The following AKAP6 variants were observed in gnomAD, a reference collection of about 807,000 sequenced individuals.
The protein encoded by AKAP6 is A-kinase anchor protein 6.
A neutral mutation model predicts 188.5 loss-of-function variants in AKAP6; 58 were observed. That is an observed-to-expected ratio of 0.31 (90% CI 0.25 to 0.38). The LOEUF (loss-of-function observed/expected upper bound fraction) is 0.38, where lower values mean the gene tolerates loss of function less well. Ranked by LOEUF, AKAP6 falls within the 10% of genes least tolerant of loss-of-function variation. The probability of loss-of-function intolerance (pLI) is 1.00; values close to 1 mark genes in which losing one functional copy is unlikely to be tolerated. For synonymous variants in AKAP6, 989 were observed against 998.6 expected, an observed-to-expected ratio of 0.99 and a Z score of 0.18; for missense variants, 2,710 against 2,740.0, an observed-to-expected ratio of 0.99 and a Z score of 0.24.
At chr14:32,390,346 A>C (rs1888669745) in intron 1 of AKAP6, among the ~76,000 whole-genome samples, 1 of 152,146 alleles carries the variant, frequency 6.6e-6, no homozygotes, top group South Asian at 2.1e-4. Flanking sequence ...ATTCTTTTTC[A>C]GGTAAATCAG....
chr14:32,816,590 G>A (rs1175302280), intron 12 of AKAP6, among the ~76,000 whole-genome samples: 2 of 152,048 alleles, frequency 1.3e-5, no homozygotes, highest in African/African-American at 4.8e-5. Context: ...TTAGGTTCAG[G>A]GTTACAGGGT....
intron 7 of AKAP6, among the ~76,000 whole-genome samples, chr14:32,637,907 G>A (rs1047917151): frequency 1.6e-4 from 25 of 152,018 alleles, no homozygotes; most frequent in African/African-American, 5.3e-4. Context: ...TGGAATTGTC[G>A]GAAGCAGAAT....
chr14:32,543,453 A>C lies in AKAP6; in HGVS notation c.577-1777A>C, dbSNP rs1883055157. ...TCTTTATCCATTCACCTGCTGATGG[A>C]CACTGAGGTTGATTCCATATCTTGG... On this transcript the variant is annotated intron_variant, in intron 3 of 13. Coordinates refer to ENST00000280979, the MANE Select transcript of AKAP6 (RefSeq NM_004274.5). Among the ~76,000 whole-genome samples, 3 of 152,184 alleles carry C rather than the reference A, an allele frequency of 2.0e-5. No individual in the cohort carries two copies. The South Asian group carries it at 6.2e-4, about 31-fold the overall frequency.
chr14:32,380,521 C>G (rs1180309621), intron 1 of AKAP6, among the ~76,000 whole-genome samples: 1 of 152,212 alleles, frequency 6.6e-6, no homozygotes, highest in Non-Finnish European at 1.5e-5. Context: ...TTTCTACTTA[C>G]ATTTGGGCTT....
At chr14:32,660,921 G>A (rs1194179877) in intron 7 of AKAP6, among the ~76,000 whole-genome samples, 11 of 42,402 alleles carry the variant, frequency 2.6e-4, no homozygotes, top group East Asian at 1.9e-3. Flanking sequence ...TTTCTTCCCC[G>A]CCACCCCCCC....
intron 4 of AKAP6, among the ~76,000 whole-genome samples, chr14:32,558,829 C>A (rs1883804155): frequency 6.6e-6 from 1 of 152,124 alleles, no homozygotes; most frequent in African/African-American, 2.4e-5. Flanking sequence ...AGGGCAGCCA[C>A]CTTTCTTCTT....
At chr14:32,518,523 A>G (rs1881643430) in intron 2 of AKAP6, among the ~76,000 whole-genome samples, 4 of 152,230 alleles carry the variant, frequency 2.6e-5, no homozygotes, top group Admixed American at 1.3e-4. Flanking sequence ...GCTGAAAACC[A>G]TGGCACGAGA....
intron 2 of AKAP6, among the ~76,000 whole-genome samples, chr14:32,463,165 C>A (rs1891411081): frequency 6.6e-6 from 1 of 151,930 alleles, no homozygotes; most frequent in Non-Finnish European, 1.5e-5. Context: ...GAGTTTAACA[C>A]CTCACTGTCG....
chr14:32,434,824 C>G (rs1325523344), intron 2 of AKAP6, among the ~76,000 whole-genome samples: 1 of 152,164 alleles, frequency 6.6e-6, no homozygotes. Flanking sequence ...GCTGGTTCAG[C>G]AGATCCAGAG....
At chr14:32,362,349 G>A (rs1406856817) in intron 1 of AKAP6, among the ~76,000 whole-genome samples, 4 of 152,146 alleles carry the variant, frequency 2.6e-5, no homozygotes, top group African/African-American at 9.7e-5. Flanking sequence ...GTACTGTTAA[G>A]GGACACAGGT....
intron 12 of AKAP6, among the ~76,000 whole-genome samples, chr14:32,806,518 A>T (rs1242081543): frequency 1.3e-5 from 2 of 152,094 alleles, no homozygotes; most frequent in East Asian, 3.9e-4. Flanking sequence ...CTCTACTAAA[A>T]ATACAAAAAT....
chr14:32,482,989 G>A (rs71409503), intron 2 of AKAP6, among the ~76,000 whole-genome samples: 5,364 of 84,156 alleles, frequency 0.064, 131 homozygotes, highest in South Asian at 0.2. Context: ...GTGTGTGTGT[G>A]TATATATATA....
At chr14:32,640,885 T>C (rs1045887373) in intron 7 of AKAP6, among the ~76,000 whole-genome samples, 3 of 152,146 alleles carry the variant, frequency 2.0e-5, no homozygotes, top group African/African-American at 7.2e-5. Flanking sequence ...CAAAGAAATA[T>C]ACAAACAAAA....
At position 32,804,219 on chromosome 14, in the gene AKAP6, A is replaced by G. The variant is rs188420526; in HGVS notation, c.3589-17183A>G. ...CTGTAATATTGCCTTCCTCACATCA[A>G]CTTTTACCCACTTCCAGCTGTTCTC... On this transcript the variant is annotated intron_variant, in intron 12 of 13. Transcript: ENST00000280979. 1.0e-3 allele frequency among the ~76,000 whole-genome samples: 154 copies of G among 152,148 alleles called. 1 individual carries two copies. Among genetic ancestry groups the G allele is most frequent in the African/African-American group, 3.7e-3 (153 of 41,486 alleles).
chr14:32,806,798 G>A (rs911498023), intron 12 of AKAP6, among the ~76,000 whole-genome samples: 7 of 152,232 alleles, frequency 4.6e-5, no homozygotes, highest in African/African-American at 1.7e-4. Flanking sequence ...TGAGATCTGG[G>A]TTAGCAGAGA....
intron 7 of AKAP6, among the ~76,000 whole-genome samples, chr14:32,662,665 G>T (rs946510733): frequency 2.0e-5 from 3 of 152,098 alleles, no homozygotes; most frequent in African/African-American, 7.2e-5. Flanking sequence ...TGCTAATGTG[G>T]TGATGGCCAG....
At chr14:32,386,271 A>AT (rs1888535806) in intron 1 of AKAP6, among the ~76,000 whole-genome samples, 1 of 151,804 alleles carries the variant, frequency 6.6e-6, no homozygotes, top group Admixed American at 6.6e-5. Flanking sequence ...AACATCTATT[A>AT]TTTTTTTATT....
intron 1 of AKAP6, among the ~76,000 whole-genome samples, chr14:32,335,636 C>T (rs1886666363): frequency 1.3e-5 from 2 of 152,100 alleles, no homozygotes; most frequent in African/African-American, 2.4e-5. Context: ...TTATTTGTCA[C>T]CACCATTGCT....
chr14:32,425,674 C>A (rs1320365681), intron 1 of AKAP6, among the ~76,000 whole-genome samples: 1 of 151,936 alleles, frequency 6.6e-6, no homozygotes, highest in Admixed American at 6.6e-5. Flanking sequence ...CTGTTCATAT[C>A]CTTTGCTCAT....
Sources: gnomAD v4.1 joint callset for allele counts (sites outside exome capture counted in the v4.1 genomes callset) on GRCh38, gnomAD v4.1.1 for gene constraint, MANE v1.5 for transcripts, NCBI Gene and HGNC (gene_info 2026-07-23, HGNC 2026-07-21) for gene names.